The following EXD3 variants were observed in gnomAD, a reference collection of about 807,000 sequenced individuals.
The protein encoded by EXD3 is exonuclease mut-7 homolog.
A neutral mutation model predicts 98.0 loss-of-function variants in EXD3; 92 were observed. That is an observed-to-expected ratio of 0.94 (90% CI 0.79 to 1.12). The LOEUF (loss-of-function observed/expected upper bound fraction) is 1.12. Ranked by LOEUF, EXD3 falls within the 50% of genes most tolerant of loss-of-function variation. The pLI, the probability that EXD3 is intolerant of heterozygous loss-of-function variation, is 0.00. For missense variants in EXD3, 1,222 were observed against 1,191.6 expected (o/e 1.03, Z -0.38); for synonymous variants, 569 against 526.0 (o/e 1.08, Z -1.12).
At chr9:137,420,337 C>T (rs1838455803) in intron 1 of EXD3, among the ~76,000 whole-genome samples, 1 of 152,164 alleles carries the variant, frequency 6.6e-6, no homozygotes, top group Admixed American at 6.5e-5. Flanking sequence ...AATTGAGTGA[C>T]ATATACTTTT....
At chr9:137,383,128 G>C (rs911280258) in intron 3 of EXD3, among the ~76,000 whole-genome samples, 185 bp downstream of exon 3, 2 of 152,216 alleles carry the variant, frequency 1.3e-5, no homozygotes, top group Admixed American at 6.5e-5. Context: ...ACTTGAGGAG[G>C]ACCGCCCCCT....
intron 8 of EXD3, among the ~76,000 whole-genome samples, chr9:137,355,358 C>G (rs909538611): frequency 6.6e-6 from 1 of 151,714 alleles, no homozygotes; most frequent in East Asian, 1.9e-4. Flanking sequence ...CAGGGCCCCA[C>G]CCCCCACGCC....
intron 1 of EXD3, among the ~76,000 whole-genome samples, chr9:137,398,901 A>G (rs534261088): frequency 2.0e-5 from 3 of 149,632 alleles, no homozygotes; most frequent in African/African-American, 4.9e-5. Flanking sequence ...CGCGTCCCCA[A>G]GACACACAGG....
At chr9:137,309,508 G>T in intron 20 of EXD3, 99 bp downstream of exon 20, 1 of 962,594 alleles carries the variant, frequency 1.0e-6, no homozygotes. Flanking sequence ...ATCTGAGGAA[G>T]CTCAGTGCTG....
At chr9:137,387,121 C>T (rs1027223521) in intron 2 of EXD3, among the ~76,000 whole-genome samples, 1 of 151,872 alleles carries the variant, frequency 6.6e-6, no homozygotes, top group Non-Finnish European at 1.5e-5. Flanking sequence ...CCTTGTCTGC[C>T]TCCCTCAGCG....
intron 17 of EXD3, among the ~76,000 whole-genome samples, chr9:137,326,948 C>G (rs942334459): frequency 6.6e-6 from 1 of 151,996 alleles, no homozygotes; most frequent in East Asian, 1.9e-4. Flanking sequence ...GACGTTCCGA[C>G]ACAGGCTACG....
Position 137,352,147 on chromosome 9 carries a change from G to T in EXD3, c.1092C>A (p.Tyr364Ter). 1 of 1,612,900 alleles carries T rather than the reference G, an allele frequency of 6.2e-7. No homozygotes were observed. Among genetic ancestry groups the T allele is most frequent in the Non-Finnish European group, 8.5e-7 (1 of 1,179,774 alleles). The change falls in exon 12 of 22, where the codon TAC (tyrosine) becomes TAA (stop). Residue 364 changes from tyrosine (Y) to a stop codon, truncating the protein, a stop_gained. Transcript: ENST00000340951. LOFTEE classifies it high-confidence loss of function. The part of the protein sequence containing the change: ...LEVKDMKDRY[Y>*]QLPIPRENVH... ...CGTTCTCCCTGGGGATGGGCAGCTG[G>T]TAGTAACGGTCCTTCATGTCCTTCA...
Position 137,351,498 on chromosome 9 carries a change from A to G in EXD3, c.1204T>C (p.Trp402Arg), listed in dbSNP as rs770556244. The change falls in exon 13 of 22, where the codon TGG becomes CGG. Residue 402 changes from tryptophan (W) to arginine (R), a missense_variant. Trp to Arg is a moderately radical substitution (Grantham distance 101). Transcript: ENST00000340951. ...CHQVVGVDVE[W>R]TPVFVAGGRP... The stretch of plus-strand genomic sequence containing the variant: ...CCCCCAGCAACAAACACAGGTGTCC[A>G]CTCCACGTCTACACCAACCACTTGG... 3 of 1,595,100 alleles carry G rather than the reference A, an allele frequency of 1.9e-6. No homozygotes were observed. The highest frequency in any genetic ancestry group is 3.5e-5 in the Admixed American group (2 of 56,586).
At chr9:137,418,134 G>A (rs1431316309) in intron 1 of EXD3, among the ~76,000 whole-genome samples, 1 of 152,182 alleles carries the variant, frequency 6.6e-6, no homozygotes, top group Non-Finnish European at 1.5e-5. Context: ...ATCACCTGAG[G>A]TCAGGAGTTC....
At chr9:137,413,908 G>GT (rs891874055) in intron 1 of EXD3, among the ~76,000 whole-genome samples, 62 of 141,872 alleles carry the variant, frequency 4.4e-4, no homozygotes, top group Admixed American at 9.8e-4. Context: ...AGGTTCTGTT[G>GT]TTTTTTTTTT....
At chr9:137,316,073 C>T (rs1831636112) in intron 19 of EXD3, among the ~76,000 whole-genome samples, 1 of 113,580 alleles carries the variant, frequency 8.8e-6, no homozygotes, top group Non-Finnish European at 1.9e-5. Context: ...CCCCAGCTCT[C>T]GTTCCCTCCC....
chr9:137,350,089 C>T (rs34438986), intron 14 of EXD3, among the ~76,000 whole-genome samples: 3 of 39,028 alleles, frequency 7.7e-5, no homozygotes, highest in East Asian at 8.3e-4. Context: ...CGAGGAGGGG[C>T]TAGATAGAGA....
chr9:137,390,823 G>T (rs2131746768), intron 2 of EXD3, among the ~76,000 whole-genome samples: 1 of 152,326 alleles, frequency 6.6e-6, no homozygotes, highest in East Asian at 1.9e-4. Context: ...GGCCAGCTCA[G>T]CCTCCTTCAG....
At chr9:137,343,635 C>G (rs1266471685) in intron 17 of EXD3, 3 of 122,134 alleles carry the variant, frequency 2.5e-5, no homozygotes, top group African/African-American at 1.0e-4. Context: ...GTTACCCAGG[C>G]TGGAGTGCAG....
At chr9:137,386,674 C>T (rs146126138) in intron 2 of EXD3, among the ~76,000 whole-genome samples, 32 of 152,278 alleles carry the variant, frequency 2.1e-4, no homozygotes, top group African/African-American at 6.3e-4. Context: ...ATCCTCCCAG[C>T]CTCCAACCTC....
chr9:137,323,943 G>A lies in EXD3; in HGVS notation c.2053-87C>T, dbSNP rs531906517. On this transcript the variant is annotated intron_variant, in intron 18 of 21. Transcript: ENST00000340951. ...GCCCGCCTCCGCCAGCATGGGGCAG[G>A]AGCCTTCTCTCGGCCCACCAGGGGT... 168 of 1,534,258 alleles carry A rather than the reference G, an allele frequency of 1.1e-4. No homozygotes were observed. The African/African-American group carries it at 2.1e-3, about 19-fold the overall frequency.
intron 7 of EXD3, among the ~76,000 whole-genome samples, chr9:137,364,146 A>G (rs1835111781): frequency 6.6e-6 from 1 of 152,122 alleles, no homozygotes; most frequent in Non-Finnish European, 1.5e-5. Flanking sequence ...TTAAAAGTCA[A>G]GGTGTTCTAC....
At chr9:137,328,642 CT>C (rs1832662883) in intron 17 of EXD3, among the ~76,000 whole-genome samples, 1 of 56,102 alleles carries the variant, frequency 1.8e-5, no homozygotes, top group African/African-American at 1.1e-4. Context: ...CTACACGGGG[CT>C]ACACGGGACT....
Position 137,349,690 on chromosome 9 carries a change from G to A in EXD3, c.1495-159C>T, listed in dbSNP as rs1834155070. Among the ~76,000 whole-genome samples the A allele has an allele frequency of 6.6e-6, 1 of 152,060 alleles. No homozygotes were observed. The highest frequency in any genetic ancestry group is 2.4e-5 in the African/African-American group (1 of 41,414). ...ACGGGGAGAAGGAGCGGACACATCC[G>A]AGGAGAGGCTCCACGTGGGGGTCCC... On this transcript the variant is annotated intron_variant, in intron 14 of 21. Transcript: ENST00000340951. This position sits in a 1 kb window ranked among gnomAD's most constrained non-coding sequence, Gnocchi z 7.4.
Sources: gnomAD v4.1 joint callset for allele counts (sites outside exome capture counted in the v4.1 genomes callset) on GRCh38, gnomAD v4.1.1 for gene constraint, Gnocchi (gnomAD v3.1) non-coding constraint, MANE v1.5 for transcripts, NCBI Gene and HGNC (gene_info 2026-07-23, HGNC 2026-07-21) for gene names.